The following BUD13 variants were observed in gnomAD, a reference collection of about 807,000 sequenced individuals.
The protein encoded by BUD13 is BUD13 homolog.
Under a neutral mutation model 62.5 loss-of-function variants are expected in BUD13, and 47 were observed. The observed-to-expected ratio is 0.75, with a 90% CI of 0.60 to 0.96. BUD13 has a LOEUF of 0.96. Among genes scored for constraint, BUD13 ranks in the 40% least tolerant of loss-of-function variants. The probability of loss-of-function intolerance (pLI) is 0.00; values close to 1 mark genes in which losing one functional copy is unlikely to be tolerated. For synonymous variants in BUD13, 293 were observed against 280.1 expected, an observed-to-expected ratio of 1.05 and a Z score of -0.46; for missense variants, 821 against 790.9, an observed-to-expected ratio of 1.04 and a Z score of -0.46.
rs190727155 is a variant in BUD13 at position 116,758,649 on chromosome 11, G to A, written c.1361-242C>T. 2.9e-4 allele frequency among the ~76,000 whole-genome samples: 43 copies of A among 146,568 alleles called. No individual in the cohort carries two copies. The East Asian group carries it at 7.5e-3, about 26-fold the overall frequency. ...GTTGCCCAGGTTGGAGTGCAGTGGC[G>A]CGATCTTGGCTCACTGCAACCTCCA... is the stretch of plus-strand genomic sequence containing the variant. On this transcript the variant is annotated intron_variant, in intron 6 of 9. Transcript: ENST00000260210.
intron 9 of BUD13, among the ~76,000 whole-genome samples, chr11:116,754,231 G>C (rs1940287940): frequency 1.3e-5 from 2 of 152,116 alleles, no homozygotes; most frequent in Non-Finnish European, 2.9e-5. Flanking sequence ...TTTTTTTGTA[G>C]AGACAGGGTT....
chr11:116,762,595 CT>C lies in BUD13; in HGVS notation c.993del (p.Ala332GlnfsTer101). The C allele has an allele frequency of 6.2e-7, 1 of 1,612,858 alleles. No homozygotes were observed. The highest frequency in any genetic ancestry group is 8.5e-7 in the Non-Finnish European group (1 of 1,179,628). On this transcript the variant is annotated frameshift_variant, in exon 4 of 10. Transcript: ENST00000260210. LOFTEE classifies it high-confidence loss of function. ...TTCTTGTCTCCAAAATGGGATTTTG[CT>C]TGCTTTTTTCGTGGAGGAGAGATGT... The part of the protein sequence containing the change: ...DPDISPPRKK[Q>X]AKSHFGDKKQ...
At chr11:116,763,504 T>C (rs1463781317) in intron 3 of BUD13, among the ~76,000 whole-genome samples, 1 of 152,136 alleles carries the variant, frequency 6.6e-6, no homozygotes, top group Non-Finnish European at 1.5e-5. Context: ...ACATTTTTCA[T>C]ATTATACCCT....
chr11:116,757,204 C>A lies in BUD13; in HGVS notation c.1708G>T (p.Ala570Ser). 1 of 1,614,160 alleles carries A rather than the reference C, an allele frequency of 6.2e-7. No individual in the cohort carries two copies. The highest frequency in any genetic ancestry group is 1.1e-5 in the South Asian group (1 of 91,082). Residue 570 changes from alanine to serine, a missense_variant, in exon 9 of 10, where the codon GCA becomes TCA. Coordinates refer to ENST00000260210, the MANE Select transcript of BUD13 (RefSeq NM_032725.4). ...KKVRPRYSGP[A>S]PPPNRFNIWP... is the part of the protein sequence containing the mutation. ...ATATTAAATCTGTTGGGAGGAGGTG[C>A]TGGACCACTGTAGCGAGGTCTCACT...
At position 116,772,823 on chromosome 11, in the gene BUD13, C is replaced by A; in HGVS notation, c.142G>T (p.Gly48Ter). The A allele has an allele frequency of 6.3e-7, 1 of 1,577,232 alleles. No individual in the cohort carries two copies. Among genetic ancestry groups the A allele is most frequent in the East Asian group, 2.4e-5 (1 of 42,196 alleles). ...CCGCCCCGGCCGGTACCAACTCACC[C>A]CTTGCCGCCGGCCCCGCCAGGCTTC... ...RPKPGGAGGK[G>*]MRIVDDDVSW... Residue 48 changes from glycine to a stop codon, truncating the protein, a stop_gained and splice_region_variant, in exon 1 of 10, where the codon GGA becomes TGA. Transcript: ENST00000260210. LOFTEE classifies it high-confidence loss of function.
chr11:116,762,998 A>C lies in BUD13; in HGVS notation c.591T>G (p.Ser197=). The C allele has an allele frequency of 6.2e-7, 1 of 1,613,110 alleles. No homozygotes were observed. The highest frequency in any genetic ancestry group is 2.2e-5 in the East Asian group (1 of 44,830). ...GCCTCCTTGGGGGAGAAGGATCTGG[A>C]GAATCATGACGGGCCCTCCTTGGGG... ...TSPPRRARHD[S]PDPSPPRRPQ... The change falls in exon 4 of 10, where the codon TCT becomes TCG. Residue 197 remains serine, a synonymous_variant. Coordinates refer to ENST00000260210, the MANE Select transcript of BUD13 (RefSeq NM_032725.4).
intron 5 of BUD13, 63 bp from the exon 6 acceptor site, chr11:116,759,242 TAC>T: frequency 2.6e-6 from 3 of 1,148,290 alleles, no homozygotes; most frequent in Non-Finnish European, 3.9e-6. Context: ...GCTCCATGGG[TAC>T]ACAGTTAGTT....
chr11:116,761,389 T>C (rs143238027), intron 4 of BUD13, among the ~76,000 whole-genome samples: 1 of 151,050 alleles, frequency 6.6e-6, no homozygotes, highest in East Asian at 1.9e-4. Flanking sequence ...TCTAAAAAGA[T>C]AACTTACCAA....
chr11:116,772,806 G>A lies in BUD13; in HGVS notation c.143+16C>T, dbSNP rs924499842. 5 of 1,547,002 alleles carry A rather than the reference G, an allele frequency of 3.2e-6. No individual in the cohort carries two copies. The Middle Eastern group carries it at 5.6e-4, about 173-fold the overall frequency. On this transcript the variant is annotated intron_variant, in intron 1 of 9. Transcript: ENST00000260210. ...GCTAGACGTCGCAGGCCCCGCCCCG[G>A]CCGGTACCAACTCACCCCTTGCCGC... is the stretch of plus-strand genomic sequence containing the variant.
At chr11:116,758,102 G>C (rs1940363581) in intron 7 of BUD13, 152 bp from the exon 8 acceptor site, 1 of 1,393,406 alleles carries the variant, frequency 7.2e-7, no homozygotes, top group Admixed American at 2.2e-5. Context: ...ATACCCACTA[G>C]AAGCGTGGAA....
chr11:116,761,404 AT>A (rs1269643436), intron 4 of BUD13, among the ~76,000 whole-genome samples: 8 of 145,934 alleles, frequency 5.5e-5, no homozygotes, highest in Non-Finnish European at 1.1e-4. Context: ...TACCAAGCTA[AT>A]GTACAATATT....
Position 116,772,938 on chromosome 11 carries a change from C to A in BUD13, c.27G>T (p.Lys9Asn). Residue 9 changes from lysine to asparagine, a missense_variant, in exon 1 of 10, where the codon AAG (lysine) becomes AAT (asparagine). Physicochemically the swap from Lys to Asn is moderately conservative, Grantham distance 94. Coordinates refer to ENST00000260210, the MANE Select transcript of BUD13 (RefSeq NM_032725.4). ...ACAAGTAACGCTTCAGATACTCGGC[C>A]TTGGAAAGCGGCGGAGCTGCCGCCA... MAAAPPLS[K>N]AEYLKRYLSG... 1 of 1,576,934 alleles carries A rather than the reference C, an allele frequency of 6.3e-7. No individual in the cohort carries two copies. The highest frequency in any genetic ancestry group is 8.6e-7 in the Non-Finnish European group (1 of 1,160,780).
In BUD13 at chr11:116,759,162, A is replaced by C. The variant is rs1323487820; in HGVS notation, c.1272T>G (p.Ser424=). 6.2e-7 allele frequency: 1 copy of C among 1,614,100 alleles called. No individual in the cohort carries two copies. The highest frequency in any genetic ancestry group is 1.3e-5 in the African/African-American group (1 of 75,052). Residue 424 remains serine, a synonymous_variant, in exon 6 of 10, where the codon TCT becomes TCG. Coordinates refer to ENST00000260210, the MANE Select transcript of BUD13 (RefSeq NM_032725.4). ...TTAACACCAACCCAGTTTTAGCCCC[A>C]GAATACATGTGTGCAGCCTATGCAA... ...PPGKKAAHMY[S]GAKTGLVLTD... is the part of the protein sequence containing the mutation.
chr11:116,756,083 CTGT>C (rs1940319195), intron 9 of BUD13, among the ~76,000 whole-genome samples: 1 of 152,072 alleles, frequency 6.6e-6, no homozygotes, highest in East Asian at 1.9e-4. Flanking sequence ...TGACACATGC[CTGT>C]AATCCCAGCT....
intron 9 of BUD13, among the ~76,000 whole-genome samples, chr11:116,753,092 G>C (rs914510284): frequency 6.6e-6 from 1 of 152,158 alleles, no homozygotes; most frequent in Non-Finnish European, 1.5e-5. Flanking sequence ...GGTATTTGAA[G>C]GTGTGGAAGA....
chr11:116,765,413 C>T lies in BUD13; in HGVS notation c.271G>A (p.Val91Ile), dbSNP rs780999970. Residue 91 changes from valine to isoleucine, a missense_variant, in exon 3 of 10, where the codon GTA (valine) becomes ATA (isoleucine). Around this residue, in one of 2 missense-constraint regions of BUD13, gnomAD observed 800 missense variants for 739.2 expected, o/e 1.08. Transcript: ENST00000260210. ...GAACGAAAGGCCTCCATCTGCTTTA[C>T]CTCTTCTGGCCGCTCATCCACAAAC... is the stretch of plus-strand genomic sequence containing the variant. ...AEFVDERPEE[V>I]KQMEAFRSSA... is the part of the protein sequence containing the mutation. 6 of 1,614,170 alleles carry T rather than the reference C, an allele frequency of 3.7e-6. No homozygotes were observed. The Admixed American group carries it at 1.0e-4, about 27-fold the overall frequency.
Position 116,762,681 on chromosome 11 carries a change from T to C in BUD13, c.908A>G (p.Lys303Arg). 6.2e-7 allele frequency: 1 copy of C among 1,614,214 alleles called. No individual in the cohort carries two copies. Among genetic ancestry groups the C allele is most frequent in the Non-Finnish European group, 8.5e-7 (1 of 1,180,030 alleles). Residue 303 changes from lysine (K) to arginine (R), a missense_variant, in exon 4 of 10, where the codon AAG (lysine) becomes AGG (arginine). Lys to Arg is a conservative substitution (Grantham distance 26). Coordinates refer to ENST00000260210, the MANE Select transcript of BUD13 (RefSeq NM_032725.4). ...TGACAAATGGGAGGCTCCTGACTCC[T>C]TCCAATGTGGAGAAGTCTTGCTAGA... ...RASSKTSPHW[K>R]ESGASHLSFP...
At chr11:116,754,208 A>C (rs915536417) in intron 9 of BUD13, among the ~76,000 whole-genome samples, 3 of 152,052 alleles carry the variant, frequency 2.0e-5, no homozygotes, top group Non-Finnish European at 2.9e-5. Flanking sequence ...ACCATGCCCG[A>C]CTAATTTTTG....
In BUD13 at chr11:116,752,454, G is replaced by A. The variant is rs535784199; in HGVS notation, c.1767-3879C>T. On this transcript the variant is annotated intron_variant, in intron 9 of 9. Coordinates refer to ENST00000260210, the MANE Select transcript of BUD13 (RefSeq NM_032725.4). Reference sequence around the variant, plus strand: ...CTAGGATAAAATCAGAACAAGAAGTGGAAAAAAGCAACTGAGAAAAATGAA... The same window carrying A: ...CTAGGATAAAATCAGAACAAGAAGTAGAAAAAAGCAACTGAGAAAAATGAA... Among the ~76,000 whole-genome samples the A allele has an allele frequency of 4.0e-5, 6 of 151,474 alleles. No homozygotes were observed. The South Asian group carries it at 8.4e-4, about 21-fold the overall frequency.
Sources: gnomAD v4.1 joint callset for allele counts (sites outside exome capture counted in the v4.1 genomes callset) on GRCh38, gnomAD v4.1.1 for gene constraint, gnomAD v4.1.1 regional missense constraint, MANE v1.5 for transcripts, NCBI Gene and HGNC (gene_info 2026-07-23, HGNC 2026-07-21) for gene names.